The following CCDC91 variants were observed in gnomAD, a reference collection of about 807,000 sequenced individuals.
CCDC91 encodes coiled-coil domain containing 91.
CCDC91 carries 48 observed loss-of-function variants against 63.2 expected under a neutral mutation model. That is an observed-to-expected ratio of 0.76 (90% CI 0.60 to 0.97). The LOEUF (loss-of-function observed/expected upper bound fraction) is 0.97, where lower values mean the gene tolerates loss of function less well. Ranked by LOEUF, CCDC91 falls within the 50% of genes least tolerant of loss-of-function variation. The pLI is 0.00. For synonymous variants in CCDC91, 167 were observed against 165.8 expected (o/e 1.01, Z -0.06); for missense variants, 500 against 494.6 (o/e 1.01, Z -0.10).
At chr12:28,335,790 TC>T (rs1941930467) in intron 6 of CCDC91, among the ~76,000 whole-genome samples, 1 of 152,060 alleles carries the variant, frequency 6.6e-6, no homozygotes, top group African/African-American at 2.4e-5. Context: ...CATTCTTATC[TC>T]CCCTTTTTTT....
chr12:28,195,333 T>C (rs61920243), intron 1 of CCDC91, among the ~76,000 whole-genome samples: 39,672 of 149,528 alleles, frequency 0.27, 5,441 homozygotes, highest in Non-Finnish European at 0.31. Flanking sequence ...GTTTACAAAC[T>C]GTTAGCTAGA....
chr12:28,510,500 C>T (rs1304514827), intron 12 of CCDC91, among the ~76,000 whole-genome samples: 3 of 151,866 alleles, frequency 2.0e-5, no homozygotes, highest in Non-Finnish European at 4.4e-5. Context: ...GGAGTTCCTT[C>T]GTACTCAGTC....
At chr12:28,339,195 C>T (rs187237276) in intron 6 of CCDC91, among the ~76,000 whole-genome samples, 11 of 152,072 alleles carry the variant, frequency 7.2e-5, no homozygotes, top group East Asian at 3.9e-4. Flanking sequence ...GTCAGACTAA[C>T]GTGAAGCATG....
chr12:28,258,695 G>T (rs1403619113), intron 2 of CCDC91, among the ~76,000 whole-genome samples: 1 of 151,844 alleles, frequency 6.6e-6, no homozygotes, highest in African/African-American at 2.4e-5. Context: ...CTCCTTAAGG[G>T]GTTGGCAACT....
chr12:28,206,613 C>G (rs1244850888), intron 1 of CCDC91, among the ~76,000 whole-genome samples: 1 of 152,138 alleles, frequency 6.6e-6, no homozygotes, highest in Non-Finnish European at 1.5e-5. Context: ...ACTCACTTAA[C>G]TAAGTAGTTT....
rs529546348 is a variant in CCDC91 at position 28,240,728 on chromosome 12, A to T, written c.-14-16474A>T. Among the ~76,000 whole-genome samples the T allele has an allele frequency of 8.8e-4, 134 of 152,084 alleles. No homozygotes were observed. In the Middle Eastern group the frequency reaches 0.054, roughly 62 times the overall value. ...TTCCTTTTTATAGCTGATAAGTATT[A>T]CAGTGGTAGAGATGTGGCACAGTTT... On this transcript the variant is annotated intron_variant, in intron 1 of 12. Transcript: ENST00000536442.
At chr12:28,401,369 C>T (rs1946612065) in intron 8 of CCDC91, among the ~76,000 whole-genome samples, 3 of 152,120 alleles carry the variant, frequency 2.0e-5, no homozygotes, top group South Asian at 4.1e-4. Flanking sequence ...AACTCCCTAT[C>T]ACAAGAACAG....
chr12:28,322,153 A>G (rs1227422595), intron 6 of CCDC91, among the ~76,000 whole-genome samples: 2 of 151,926 alleles, frequency 1.3e-5, no homozygotes, highest in Non-Finnish European at 2.9e-5. Context: ...AGAAAGCATT[A>G]TAATTATGCA....
rs1206229870 is a variant in CCDC91, at chr12:28,306,783, T to C, written c.309T>C (p.Phe103=). 1 of 1,612,008 alleles carries C rather than the reference T, an allele frequency of 6.2e-7. No homozygotes were observed. Among genetic ancestry groups the C allele is most frequent in the African/African-American group, 1.3e-5 (1 of 74,820 alleles). Reference sequence around the variant, plus strand: ...ACACTCATCTGGATATCTCACTTTTTCCATTGGGTTTAACTGATGAAAAAA... The same window carrying C: ...ACACTCATCTGGATATCTCACTTTTCCCATTGGGTTTAACTGATGAAAAAA... ...STHTHLDISL[F]PLGLTDEKSN... The change falls in exon 5 of 13, where the codon TTT becomes TTC. Residue 103 remains phenylalanine (F), a synonymous_variant. Transcript: ENST00000536442.
intron 1 of CCDC91, among the ~76,000 whole-genome samples, chr12:28,205,859 T>C (rs1257602968): frequency 1.3e-5 from 2 of 152,206 alleles, no homozygotes; most frequent in Non-Finnish European, 2.9e-5. Flanking sequence ...TCTCAGGCCA[T>C]ATTTGGTTTG....
At chr12:28,382,911 A>G (rs1945380499) in intron 7 of CCDC91, among the ~76,000 whole-genome samples, 1 of 152,022 alleles carries the variant, frequency 6.6e-6, no homozygotes, top group South Asian at 2.1e-4. Context: ...CTCTTATTCA[A>G]GTCACAAGGA....
chr12:28,372,585 A>T (rs912223636), intron 7 of CCDC91, among the ~76,000 whole-genome samples: 7 of 148,396 alleles, frequency 4.7e-5, no homozygotes, highest in African/African-American at 1.2e-4. Context: ...GGGTATTTAA[A>T]TTTTTTTTTT....
At chr12:28,227,364 G>T (rs963380473) in intron 1 of CCDC91, among the ~76,000 whole-genome samples, 33 of 151,980 alleles carry the variant, frequency 2.2e-4, no homozygotes, top group Non-Finnish European at 4.6e-4. Context: ...TTTCTACTTG[G>T]CTTGGCCAGT....
chr12:28,358,667 T>C (rs1265785855), intron 6 of CCDC91, among the ~76,000 whole-genome samples: 1 of 152,172 alleles, frequency 6.6e-6, no homozygotes, highest in Non-Finnish European at 1.5e-5. Context: ...GAACAATAAA[T>C]GTAATACATA....
At position 28,501,677 on chromosome 12, in the gene CCDC91, TTG is replaced by T. The variant is rs1434058119; in HGVS notation, c.1215+17516_1215+17517del. On this transcript the variant is annotated intron_variant, in intron 12 of 12. Coordinates refer to ENST00000536442, the MANE Select transcript of CCDC91 (RefSeq NM_018318.5). The stretch of plus-strand genomic sequence containing the variant: ...ATTGGTCTAAAATTCTCTTTTTTGG[TTG>T]TGTCTCTGCCTGGCTTTGGTATCAG... Among the ~76,000 whole-genome samples, 312 of 151,986 alleles carry T rather than the reference TTG, an allele frequency of 2.1e-3. 1 individual carries two copies. The highest frequency in any genetic ancestry group is 7.4e-3 in the African/African-American group (307 of 41,434).
At chr12:28,543,532 C>G (rs577627679) in intron 12 of CCDC91, among the ~76,000 whole-genome samples, 2 of 152,104 alleles carry the variant, frequency 1.3e-5, no homozygotes, top group African/African-American at 2.4e-5. Context: ...AACTAAGAAC[C>G]CATGACTGTA....
At chr12:28,243,778 A>C (rs1945515403) in intron 1 of CCDC91, among the ~76,000 whole-genome samples, 1 of 152,232 alleles carries the variant, frequency 6.6e-6, no homozygotes, top group South Asian at 2.1e-4. Flanking sequence ...AAAAGTCTGA[A>C]TCTTCCCACA....
chr12:28,285,731 A>G (rs1403697435), intron 3 of CCDC91, among the ~76,000 whole-genome samples: 1 of 150,260 alleles, frequency 6.7e-6, no homozygotes, highest in East Asian at 2.0e-4. Flanking sequence ...AATCTTTCTG[A>G]TTGATCTTAT....
intron 6 of CCDC91, among the ~76,000 whole-genome samples, chr12:28,339,746 G>A (rs947391691): frequency 2.0e-5 from 3 of 152,104 alleles, no homozygotes; most frequent in Non-Finnish European, 4.4e-5. Flanking sequence ...GATACTGACA[G>A]ACAACTCTGG....
Sources: gnomAD v4.1 joint callset for allele counts (sites outside exome capture counted in the v4.1 genomes callset) on GRCh38, gnomAD v4.1.1 for gene constraint, MANE v1.5 for transcripts, NCBI Gene and HGNC (gene_info 2026-07-23, HGNC 2026-07-21) for gene names.